The following MYO16 variants were observed in gnomAD, a reference collection of about 807,000 sequenced individuals.
MYO16 encodes the protein myosin XVI.
Under a neutral mutation model 205.3 loss-of-function variants are expected in MYO16, and 94 were observed. The ratio of observed to expected loss-of-function variants is 0.46; its 90% confidence interval spans 0.39 to 0.54. The LOEUF is 0.54. MYO16 is among the 20% of genes least tolerant of loss of function. MYO16 has a pLI of 0.00. For missense variants in MYO16, 2,315 were observed against 2,387.5 expected (o/e 0.97, Z 0.63); for synonymous variants, 988 against 954.0 (o/e 1.04, Z -0.66).
At position 108,844,593 on chromosome 13, in the gene MYO16, A is replaced by G. The variant is rs551569461; in HGVS notation, c.1248+100A>G. On this transcript the variant is annotated intron_variant, in intron 10 of 34. Coordinates refer to ENST00000457511, the MANE Select transcript of MYO16 (RefSeq NM_001198950.3). The stretch of plus-strand genomic sequence containing the variant: ...CAAAAACAAATGCGCACTAATTTGC[A>G]TTCAAAGACAATTAATGCATAGATT... 8 of 1,230,086 alleles carry G rather than the reference A, an allele frequency of 6.5e-6. No homozygotes were observed. The East Asian group carries it at 1.7e-4, about 26-fold the overall frequency. The allele number at this position is 1,230,086 out of a possible 1,614,324, so 76.2% of individuals were successfully genotyped here.
chr13:109,026,390 G>A lies in MYO16; in HGVS notation c.2796+6479G>A, dbSNP rs1419044493. 2.0e-5 allele frequency among the ~76,000 whole-genome samples: 3 copies of A among 152,086 alleles called. No homozygotes were observed. In the East Asian group the frequency reaches 5.8e-4, roughly 29 times the overall value. ...GACCACGGGGGGAGGTATTGAAGCAGCCAGGAGCCAAGGAACACCTGGAAC... is the reference window on the plus strand; with the variant it reads ...GACCACGGGGGGAGGTATTGAAGCAACCAGGAGCCAAGGAACACCTGGAAC... On this transcript the variant is annotated intron_variant, in intron 23 of 34. Transcript: ENST00000457511.
At chr13:108,601,614 C>G (rs1177752608) in intron 1 of MYO16, among the ~76,000 whole-genome samples, 1 of 151,836 alleles carries the variant, frequency 6.6e-6, no homozygotes, top group Non-Finnish European at 1.5e-5. Context: ...AGGCTGTGTC[C>G]AGAGAAGTTA....
intron 2 of MYO16, among the ~76,000 whole-genome samples, chr13:108,688,473 A>G (rs1882767187): frequency 6.6e-6 from 1 of 152,048 alleles, no homozygotes; most frequent in African/African-American, 2.4e-5. Flanking sequence ...TTAAAATTTC[A>G]CCCGCTATTA....
intron 34 of MYO16, among the ~76,000 whole-genome samples, chr13:109,187,953 C>T (rs1879753921): frequency 6.6e-6 from 1 of 152,212 alleles, no homozygotes; most frequent in African/African-American, 2.4e-5. Flanking sequence ...GCACAGAAGT[C>T]TCCAACTATA....
At chr13:109,109,334 G>A (rs1168202042) in intron 28 of MYO16, among the ~76,000 whole-genome samples, 2 of 152,228 alleles carry the variant, frequency 1.3e-5, no homozygotes, top group African/African-American at 2.4e-5. Flanking sequence ...AGGAGAAGGT[G>A]TGTTTAGAGC....
At chr13:108,623,489 C>T (rs1053494835) in intron 1 of MYO16, among the ~76,000 whole-genome samples, 8 of 152,214 alleles carry the variant, frequency 5.3e-5, no homozygotes, top group South Asian at 4.1e-4. Flanking sequence ...GTTTTAATGG[C>T]GCCTTCATGG....
chr13:108,820,253 G>A, intron 7 of MYO16, 84 bp from the exon 8 acceptor site: 2 of 994,756 alleles, frequency 2.0e-6, no homozygotes, highest in Non-Finnish European at 3.1e-6. Flanking sequence ...CCGGCTGTTA[G>A]TTGGACAGCA....
chr13:108,948,283 C>T (rs1239384495), intron 16 of MYO16, among the ~76,000 whole-genome samples: 1 of 152,214 alleles, frequency 6.6e-6, no homozygotes, highest in Non-Finnish European at 1.5e-5. Flanking sequence ...AAAAATAGCT[C>T]TGCGCACAAT....
chr13:109,063,420 T>C lies in MYO16; in HGVS notation c.3335+7825T>C, dbSNP rs563848929. On this transcript the variant is annotated intron_variant, in intron 27 of 34. Transcript: ENST00000457511. ...ACAATAAAAGAAGCAGCAGGAAAATTATGTGCAAATTATGGTACATAATTG... is the reference window on the plus strand; with the variant it reads ...ACAATAAAAGAAGCAGCAGGAAAATCATGTGCAAATTATGGTACATAATTG... Among the ~76,000 whole-genome samples the C allele has an allele frequency of 9.9e-5, 15 of 152,232 alleles. 1 individual carries two copies. The highest frequency in any genetic ancestry group is 2.9e-4 in the African/African-American group (12 of 41,544).
chr13:108,888,285 C>G lies in MYO16; in HGVS notation c.1554-87C>G. Reference sequence around the variant, plus strand: ...TCTCCAGTTAATTTTTTTACTTGTTCCTTCAAAGTAGTTTCAAAGGAACAA... The same window carrying G: ...TCTCCAGTTAATTTTTTTACTTGTTGCTTCAAAGTAGTTTCAAAGGAACAA... On this transcript the variant is annotated intron_variant, in intron 13 of 34. Transcript: ENST00000457511. 4.7e-6 allele frequency: 4 copies of G among 857,542 alleles called. No individual in the cohort carries two copies. The South Asian group carries it at 7.8e-5, about 17-fold the overall frequency. The allele number at this position is 857,542 out of a possible 1,614,324, so 53.1% of individuals were successfully genotyped here.
At chr13:109,159,730 C>T (rs944193194) in intron 32 of MYO16, among the ~76,000 whole-genome samples, 4 of 139,450 alleles carry the variant, frequency 2.9e-5, no homozygotes, top group Non-Finnish European at 6.5e-5. Flanking sequence ...AGAAGGTCAT[C>T]CAGAAGGCCT....
At chr13:108,760,655 A>G (rs1330252646) in intron 4 of MYO16, among the ~76,000 whole-genome samples, 1 of 152,218 alleles carries the variant, frequency 6.6e-6, no homozygotes, top group Non-Finnish European at 1.5e-5. Flanking sequence ...AGTACTTTCA[A>G]TGCCATATGT....
At chr13:109,155,051 G>A (rs923361973) in intron 32 of MYO16, among the ~76,000 whole-genome samples, 2 of 151,930 alleles carry the variant, frequency 1.3e-5, no homozygotes, top group African/African-American at 4.8e-5. Context: ...AAGGAAATTG[G>A]CACAACTTAA....
intron 11 of MYO16, among the ~76,000 whole-genome samples, chr13:108,859,235 T>C (rs992691195): frequency 6.6e-6 from 1 of 151,746 alleles, no homozygotes; most frequent in African/African-American, 2.4e-5. Flanking sequence ...GCAAGTTCTA[T>C]AAGGAAAATA....
intron 20 of MYO16, among the ~76,000 whole-genome samples, chr13:108,970,780 G>A (rs1204303214): frequency 6.6e-6 from 1 of 152,016 alleles, no homozygotes; most frequent in Non-Finnish European, 1.5e-5. Flanking sequence ...CACCCCCTCC[G>A]ATAGTCCAGG....
At chr13:108,825,227 C>T (rs1876187639) in intron 9 of MYO16, among the ~76,000 whole-genome samples, 1 of 151,844 alleles carries the variant, frequency 6.6e-6, no homozygotes, top group Non-Finnish European at 1.5e-5. Context: ...GACAAGAAAG[C>T]AAGGCTGAGC....
At chr13:108,920,890 A>G (rs1183436122) in intron 16 of MYO16, among the ~76,000 whole-genome samples, 1 of 152,212 alleles carries the variant, frequency 6.6e-6, no homozygotes, top group Non-Finnish European at 1.5e-5. Context: ...TGACTTTGCC[A>G]GTGATTGTGA....
the MYO16 span, among the ~76,000 whole-genome samples, chr13:108,503,411 A>G: frequency 6.6e-6 from 1 of 151,916 alleles, no homozygotes; most frequent in Non-Finnish European, 1.5e-5. Flanking sequence ...TTTTGGCCCC[A>G]ATTTTCTTCA....
At chr13:109,124,961 T>C in intron 29 of MYO16, 151 bp from the exon 30 acceptor site, 1 of 845,108 alleles carries the variant, frequency 1.2e-6, no homozygotes, top group Non-Finnish European at 1.8e-6. Flanking sequence ...CCTTTAGTGT[T>C]ATCACTGCTG....
Sources: gnomAD v4.1 joint callset for allele counts (sites outside exome capture counted in the v4.1 genomes callset) on GRCh38, gnomAD v4.1.1 for gene constraint, MANE v1.5 for transcripts, NCBI Gene and HGNC (gene_info 2026-07-23, HGNC 2026-07-21) for gene names.